The following SPTBN4 variants were observed in gnomAD, a reference collection of about 807,000 sequenced individuals.
The protein encoded by SPTBN4 is spectrin beta chain, non-erythrocytic 4.
Under a neutral mutation model 277.8 loss-of-function variants are expected in SPTBN4, and 96 were observed. The ratio of observed to expected loss-of-function variants is 0.35; its 90% CI spans 0.29 to 0.41. The LOEUF (loss-of-function observed/expected upper bound fraction) is 0.41. Among genes scored for constraint, SPTBN4 ranks in the 10% least tolerant of loss-of-function variants. The probability of loss-of-function intolerance (pLI) is 1.00; values close to 1 mark genes in which losing one functional copy is unlikely to be tolerated. For missense variants in SPTBN4, 3,006 were observed against 3,595.7 expected (o/e 0.84, Z 4.19); for synonymous variants, 1,481 against 1,580.3 (o/e 0.94, Z 1.49).
intron 22 of SPTBN4, among the ~76,000 whole-genome samples, chr19:40,553,720 T>C (rs1568371549): frequency 1.3e-5 from 2 of 152,174 alleles, no homozygotes; most frequent in African/African-American, 4.8e-5. Flanking sequence ...GGTGTATGTG[T>C]CTGTACAAAT....
intron 16 of SPTBN4, 79 bp downstream of exon 16, chr19:40,520,230 G>T: frequency 7.9e-7 from 1 of 1,267,642 alleles, no homozygotes; most frequent in Non-Finnish European, 1.0e-6. Context: ...ACATGCGGGG[G>T]TGGGGAGGAG....
At position 40,567,656 on chromosome 19, in the gene SPTBN4, T is replaced by C; in HGVS notation, c.6337-7T>C. On this transcript the variant is annotated splice_polypyrimidine_tract_variant and splice_region_variant and intron_variant, in intron 30 of 35. Coordinates refer to ENST00000598249, the MANE Select transcript of SPTBN4 (RefSeq NM_020971.3). ...CTCCAACCTAACCCTGGTCCCTCCA[T>C]CCTCAGATCGAGAAAATCAAAGCGG... The C allele has an allele frequency of 8.0e-7, 1 of 1,256,240 alleles. No homozygotes were observed. Among genetic ancestry groups the C allele is most frequent in the African/African-American group, 1.6e-5 (1 of 60,778 alleles). The allele number at this position is 1,256,240 out of a possible 1,614,324, so 77.8% of individuals were successfully genotyped here. A position where few individuals can be genotyped will look rare whatever the true frequency, so the allele number is the denominator to read the frequency against.
intron 1 of SPTBN4, among the ~76,000 whole-genome samples, chr19:40,469,622 T>C (rs1317543298): frequency 6.6e-6 from 1 of 151,818 alleles, no homozygotes. Context: ...CTAATGTCAC[T>C]TAACCCTTTA....
chr19:40,521,637 C>T lies in SPTBN4; in HGVS notation c.3654+1486C>T, dbSNP rs185562564. On this transcript the variant is annotated intron_variant, in intron 16 of 35. Transcript: ENST00000598249. Reference sequence around the variant, plus strand: ...AGCTCAGGCAGTAATGCTCACTCGCCCCCCCTCCACCTCCTGCTATGCGGC... The same window carrying T: ...AGCTCAGGCAGTAATGCTCACTCGCTCCCCCTCCACCTCCTGCTATGCGGC... Among the ~76,000 whole-genome samples, 226 of 152,252 alleles carry T rather than the reference C, an allele frequency of 1.5e-3. 1 individual carries two copies. The highest frequency in any genetic ancestry group is 0.013 in the Admixed American group (205 of 15,292).
chr19:40,499,935 A>G (rs1331996007), intron 7 of SPTBN4, among the ~76,000 whole-genome samples: 1 of 151,940 alleles, frequency 6.6e-6, no homozygotes, highest in African/African-American at 2.4e-5. Context: ...TTGTGCATCC[A>G]GTGGGTAAAT....
chr19:40,517,056 A>G (rs1201047322), intron 15 of SPTBN4, among the ~76,000 whole-genome samples: 3 of 152,186 alleles, frequency 2.0e-5, no homozygotes, highest in Admixed American at 2.0e-4. Flanking sequence ...ATCCAAGATT[A>G]CTCAGTCTAT....
intron 16 of SPTBN4, among the ~76,000 whole-genome samples, chr19:40,522,351 T>G (rs1280116921): frequency 1.9e-5 from 2 of 102,980 alleles, no homozygotes; most frequent in Non-Finnish European, 3.7e-5. Context: ...GTAACCAATT[T>G]TTTTTTTTTT....
intron 1 of SPTBN4, 145 bp from the exon 2 acceptor site, chr19:40,472,462 C>G: frequency 1.5e-6 from 1 of 660,578 alleles, no homozygotes; most frequent in African/African-American, 1.8e-5. Flanking sequence ...CAGGCATGAG[C>G]CACTGTGCCT....
chr19:40,560,018 CAGATATGA>C lies in SPTBN4; in HGVS notation c.5671-140_5671-133del. On this transcript the variant is annotated intron_variant, in intron 26 of 35. Transcript: ENST00000598249. The surrounding 1 kb of genome is among the most constrained non-coding windows in gnomAD (Gnocchi z 5.2). ...GGTAAGTCAAAGAGAAATCAGGCAG[CAGATATGA>C]CAGGAGCCTGGCTGTGGGATCACAG... The C allele has an allele frequency of 7.0e-7, 1 of 1,426,322 alleles. No individual in the cohort carries two copies. The highest frequency in any genetic ancestry group is 2.9e-5 in the Admixed American group (1 of 34,570). The allele number at this position is 1,426,322 out of a possible 1,614,324, so 88.4% of individuals were successfully genotyped here.
chr19:40,573,709 A>AG (rs1398616156), intron 35 of SPTBN4, among the ~76,000 whole-genome samples: 1 of 152,132 alleles, frequency 6.6e-6, no homozygotes, highest in Non-Finnish European at 1.5e-5. Flanking sequence ...AGGCTGAGGC[A>AG]GGAGGATTGC....
At chr19:40,481,696 G>A (rs1333478009) in intron 2 of SPTBN4, among the ~76,000 whole-genome samples, 1 of 152,020 alleles carries the variant, frequency 6.6e-6, no homozygotes, top group Non-Finnish European at 1.5e-5. Flanking sequence ...GGCTGGTCTC[G>A]AACTCCTGAC....
chr19:40,489,228 A>AAAAAAG (rs781378644), intron 3 of SPTBN4, among the ~76,000 whole-genome samples: 1 of 141,650 alleles, frequency 7.1e-6, no homozygotes, highest in Non-Finnish European at 1.5e-5. Flanking sequence ...AAAAAAAAAA[A>AAAAAAG]AAAGAAAGAA....
intron 30 of SPTBN4, 61 bp from the exon 31 acceptor site, chr19:40,567,602 C>T: frequency 7.5e-7 from 1 of 1,339,980 alleles, no homozygotes; most frequent in African/African-American, 1.6e-5. Context: ...CTCCCCGGAC[C>T]TCCCCCTTAC....
chr19:40,483,903 A>G (rs1440539654), intron 2 of SPTBN4, among the ~76,000 whole-genome samples: 1 of 152,128 alleles, frequency 6.6e-6, no homozygotes, highest in East Asian at 1.9e-4. Flanking sequence ...CACATTTGCA[A>G]AAAGAGGGAT....
intron 27 of SPTBN4, among the ~76,000 whole-genome samples, chr19:40,561,429 A>C (rs1344172386): frequency 6.6e-6 from 1 of 152,236 alleles, no homozygotes; most frequent in African/African-American, 2.4e-5. Context: ...TTTACTCAGC[A>C]AATATGTATT....
rs1376637218 is a variant in SPTBN4, at chr19:40,567,844, G to A, written c.6518G>A (p.Arg2173Gln). The change falls in exon 31 of 36, where the codon CGG becomes CAG. Residue 2173 changes from arginine (R) to glutamine (Q), a missense_variant. Arg to Gln is a conservative substitution (Grantham distance 43). Around this residue, in one of 5 missense-constraint regions of SPTBN4, gnomAD observed 630 missense variants for 677.6 expected, o/e 0.93. Coordinates refer to ENST00000598249, the MANE Select transcript of SPTBN4 (RefSeq NM_020971.3). ...TCGGACACGCTCTCGGCCGAGGTGC[G>A]GACTCGGGTGGGGTATGTGCGCCAG... is the stretch of plus-strand genomic sequence containing the variant. ...RASDTLSAEV[R>Q]TRVGYVRQEL... 6.6e-7 allele frequency: 1 copy of A among 1,522,606 alleles called. No homozygotes were observed. The allele number at this position is 1,522,606 out of a possible 1,614,324, so 94.3% of individuals were successfully genotyped here.
intron 20 of SPTBN4, chr19:40,534,685 A>G (rs1599776147): frequency 3.5e-6 from 1 of 285,210 alleles, no homozygotes; most frequent in South Asian, 4.8e-5. Flanking sequence ...TTTGCATGGA[A>G]TAACAATGAC....
Position 40,567,772 on chromosome 19 carries a change from G to A in SPTBN4, c.6446G>A (p.Arg2149Gln). ...ELAAKAAPLL[R>Q]PGGYERGLEP... ...GCGGCCAAGGCGGCGCCCCTGCTGC[G>A]GCCAGGGGGCTATGAAAGGGGCTTG... is the stretch of plus-strand genomic sequence containing the variant. The change falls in exon 31 of 36, where the codon CGG becomes CAG. Residue 2149 changes from arginine (R) to glutamine (Q), a missense_variant. Around this residue, in one of 5 missense-constraint regions of SPTBN4, gnomAD observed 630 missense variants for 677.6 expected, o/e 0.93. Transcript: ENST00000598249. 1 of 1,530,268 alleles carries A rather than the reference G, an allele frequency of 6.5e-7. No homozygotes were observed. Among genetic ancestry groups the A allele is most frequent in the Non-Finnish European group, 8.8e-7 (1 of 1,138,492 alleles). 94.8% of individuals were successfully genotyped at this position (1,530,268 alleles called of 1,614,324 possible). A position where few individuals can be genotyped will look rare whatever the true frequency, so the allele number is the denominator to read the frequency against.
chr19:40,553,131 G>T (rs755062576), intron 22 of SPTBN4, among the ~76,000 whole-genome samples: 1 of 152,162 alleles, frequency 6.6e-6, no homozygotes, highest in Non-Finnish European at 1.5e-5. Flanking sequence ...GCTATATTAT[G>T]TAAAGCTCTT....
Sources: allele counts gnomAD v4.1 joint callset (sites outside exome capture counted in the v4.1 genomes callset), GRCh38; gene constraint gnomAD v4.1.1; regional missense constraint gnomAD v4.1.1; non-coding constraint Gnocchi (gnomAD v3.1); transcripts MANE v1.5; gene names NCBI Gene and HGNC (gene_info 2026-07-23, HGNC 2026-07-21).